Variants in TOX3 observed in about 807,000 individuals in gnomAD.
TOX3 encodes CAG trinucleotide repeat-containing gene F9 protein.
A neutral mutation model predicts 64.3 loss-of-function variants in TOX3; 22 were observed. The observed-to-expected ratio is 0.34, with a 90% CI of 0.24 to 0.49. The LOEUF (loss-of-function observed/expected upper bound fraction) is 0.49. Ranked by LOEUF, TOX3 falls within the 20% of genes least tolerant of loss-of-function variation. The pLI, the probability that TOX3 is intolerant of heterozygous loss-of-function variation, is 0.99. For synonymous variants in TOX3, 291 were observed against 273.6 expected (o/e 1.06, Z -0.63); for missense variants, 661 against 714.4 (o/e 0.93, Z 0.85).
intron 2 of TOX3, among the ~76,000 whole-genome samples, chr16:52,467,478 T>C (rs1221529540): frequency 6.6e-6 from 1 of 152,222 alleles, no homozygotes; most frequent in Non-Finnish European, 1.5e-5. Context: ...GTTAATTTCT[T>C]TCATAACACT....
At chr16:52,452,818 T>C (rs1364839743) in intron 3 of TOX3, among the ~76,000 whole-genome samples, 1 of 152,214 alleles carries the variant, frequency 6.6e-6, no homozygotes, top group Non-Finnish European at 1.5e-5. Context: ...ATTTCCCATT[T>C]CTTAATAATT....
chr16:52,521,180 C>T (rs1383801088), intron 1 of TOX3, among the ~76,000 whole-genome samples: 5 of 152,082 alleles, frequency 3.3e-5, no homozygotes, highest in African/African-American at 2.4e-5. Context: ...AAGACATATT[C>T]GCACCAAACT....
chr16:52,501,874 C>T (rs1175807918), intron 1 of TOX3, among the ~76,000 whole-genome samples: 1 of 152,146 alleles, frequency 6.6e-6, no homozygotes, highest in Non-Finnish European at 1.5e-5. Flanking sequence ...TTCCTTCTGC[C>T]TTCCCTCCTG....
intron 4 of TOX3, among the ~76,000 whole-genome samples, chr16:52,448,858 A>G (rs1960247463): frequency 6.6e-6 from 1 of 152,206 alleles, no homozygotes; most frequent in Admixed American, 6.5e-5. Context: ...CAATGTAAGC[A>G]CGTCAAATTC....
intron 3 of TOX3, among the ~76,000 whole-genome samples, chr16:52,456,420 A>C (rs1428593530): frequency 5.9e-5 from 9 of 152,146 alleles, no homozygotes; most frequent in Admixed American, 5.9e-4. Flanking sequence ...TGCTCTCACT[A>C]ATAGGAGGGG....
intron 1 of TOX3, among the ~76,000 whole-genome samples, chr16:52,477,400 C>T (rs1961239131): frequency 6.6e-6 from 1 of 152,170 alleles, no homozygotes; most frequent in Non-Finnish European, 1.5e-5. Flanking sequence ...CACACCCGAA[C>T]TTATCAATAG....
intron 6 of TOX3, among the ~76,000 whole-genome samples, chr16:52,440,819 G>T (rs1198265644): frequency 7.1e-6 from 1 of 140,932 alleles, no homozygotes; most frequent in Non-Finnish European, 1.5e-5. Context: ...GGAGTGCAGC[G>T]GCGCGATCTC....
rs1251081867 is a variant in TOX3, at chr16:52,439,642, G to T, written c.1314C>A (p.Thr438=). ...GCTGCAATTGCATCTGATGCTGCTG[G>T]GTTTGCACCGAAGGACTCACTTGGG... ...PSTQVSPSVQ[T]QQHQMQLQQQ... The change falls in exon 7 of 7, where the codon ACC becomes ACA. Residue 438 remains threonine (T), a synonymous_variant. Transcript: ENST00000219746. 6.2e-7 allele frequency: 1 copy of T among 1,613,742 alleles called. No homozygotes were observed. The highest frequency in any genetic ancestry group is 1.1e-5 in the South Asian group (1 of 91,072).
intron 1 of TOX3, among the ~76,000 whole-genome samples, chr16:52,536,908 T>G (rs907462954): frequency 6.6e-6 from 1 of 151,160 alleles, no homozygotes; most frequent in Non-Finnish European, 1.5e-5. Flanking sequence ...TTTACATATT[T>G]TATATATATA....
chr16:52,437,175 TA>T lies in TOX3; in HGVS notation c.*2049del, dbSNP rs1959775307. On this transcript the variant is annotated 3_prime_UTR_variant, in exon 7 of 7. Coordinates refer to ENST00000219746, the MANE Select transcript of TOX3 (RefSeq NM_001080430.4). ...CTTATGAAAAGCTTCAATTTAGACA[TA>T]AATTTTTCTACAGCAAGAAATCCAT... The T allele has an allele frequency of 6.6e-6, 1 of 152,214 alleles. No individual in the cohort carries two copies. Among genetic ancestry groups the T allele is most frequent in the Non-Finnish European group, 1.5e-5 (1 of 68,024 alleles). The allele number at this position is 152,214 out of a possible 1,614,324, so 9.4% of individuals were successfully genotyped here. A position where few individuals can be genotyped will look rare whatever the true frequency, so the allele number is the denominator to read the frequency against.
chr16:52,517,839 T>C (rs867648671), intron 1 of TOX3, among the ~76,000 whole-genome samples: 1 of 152,226 alleles, frequency 6.6e-6, no homozygotes, highest in Non-Finnish European at 1.5e-5. Context: ...AGTCCATCTC[T>C]GATCTCTCTC....
At chr16:52,543,245 T>C (rs1244593522) in intron 1 of TOX3, among the ~76,000 whole-genome samples, 1 of 152,168 alleles carries the variant, frequency 6.6e-6, no homozygotes, top group African/African-American at 2.4e-5. Flanking sequence ...ATCTAGAAGT[T>C]TCAGATTTAG....
intron 1 of TOX3, among the ~76,000 whole-genome samples, chr16:52,512,812 T>C (rs1230310470): frequency 3.3e-5 from 5 of 151,746 alleles, no homozygotes; most frequent in Admixed American, 1.3e-4. Context: ...GTGGCTGGCA[T>C]GTTATTAAAA....
At chr16:52,482,548 G>T (rs186520913) in intron 1 of TOX3, among the ~76,000 whole-genome samples, 223 of 152,170 alleles carry the variant, frequency 1.5e-3, no homozygotes, top group Non-Finnish European at 2.6e-3. Context: ...ATCAGTTAGG[G>T]TGCATTTTAA....
At chr16:52,442,791 AAAAC>A (rs923554336) in intron 6 of TOX3, among the ~76,000 whole-genome samples, 1 of 152,210 alleles carries the variant, frequency 6.6e-6, no homozygotes, top group African/African-American at 2.4e-5. Flanking sequence ...ACTGAATTAA[AAAAC>A]AAACAAACCA....
At chr16:52,520,164 T>C (rs1184739677) in intron 1 of TOX3, among the ~76,000 whole-genome samples, 2 of 152,058 alleles carry the variant, frequency 1.3e-5, no homozygotes, top group Non-Finnish European at 2.9e-5. Flanking sequence ...GACTAATGAG[T>C]GTAGTTAAAA....
intron 5 of TOX3, chr16:52,445,199 A>G (rs2151742160): frequency 6.6e-6 from 1 of 152,388 alleles, no homozygotes; most frequent in African/African-American, 2.4e-5. Context: ...TCTAGGAATG[A>G]GTTCCTGAAA....
chr16:52,452,157 A>G (rs1420544), intron 3 of TOX3, among the ~76,000 whole-genome samples: 64,599 of 150,948 alleles, frequency 0.43, 14,491 homozygotes, highest in Middle Eastern at 0.54. Flanking sequence ...TTTCTTTGGG[A>G]AAAAAAAAAG....
At position 52,450,531 on chromosome 16, in the gene TOX3, G is replaced by C; in HGVS notation, c.424C>G (p.Gln142Glu). 6.2e-7 allele frequency: 1 copy of C among 1,614,036 alleles called. No individual in the cohort carries two copies. The highest frequency in any genetic ancestry group is 8.5e-7 in the Non-Finnish European group (1 of 1,179,886). ...GGATCCTGCCGGTACTGGGACACTT[G>C]TGTGTGGCTCTGATCCTAGAAAGGC... ...SGLHMDQSHTQVSQYRQDPSL... is the reference protein window; with the variant it reads ...SGLHMDQSHTEVSQYRQDPSL... The change falls in exon 4 of 7, where the codon CAA becomes GAA. Residue 142 changes from glutamine to glutamate, a missense_variant. Transcript: ENST00000219746.
Sources: gnomAD v4.1 joint callset for allele counts (sites outside exome capture counted in the v4.1 genomes callset) on GRCh38, gnomAD v4.1.1 for gene constraint, MANE v1.5 for transcripts, NCBI Gene and HGNC (gene_info 2026-07-23, HGNC 2026-07-21) for gene names.